TRIM23: variants seen among roughly 807,000 people sequenced by gnomAD.
TRIM23 encodes the protein tripartite motif containing 23, also known as E3 ubiquitin-protein ligase TRIM23.
In TRIM23, 27 loss-of-function variants were observed where a neutral mutation model predicts 71.0. The observed-to-expected ratio is 0.38, with a 90% CI of 0.28 to 0.52. TRIM23 has a LOEUF of 0.52. TRIM23 is among the 20% of genes least tolerant of loss of function. The pLI is 0.84. For synonymous variants in TRIM23, 234 were observed against 238.0 expected (o/e 0.98, Z 0.16); for missense variants, 482 against 692.3 (o/e 0.70, Z 3.41).
At position 65,591,937 on chromosome 5, in the gene TRIM23, T is replaced by A. The variant is rs761047076; in HGVS notation, c.1557A>T (p.Gly519=). The A allele has an allele frequency of 6.2e-7, 1 of 1,613,342 alleles. No individual in the cohort carries two copies. Among genetic ancestry groups the A allele is most frequent in the African/African-American group, 1.3e-5 (1 of 74,970 alleles). ...LIFANKQDVA[G]ALSVEEITEL... Reference sequence around the variant, plus strand: ...CAGTGATTTCTTCTACTGACAGTGCTCCAGCAACATCCTGAAAGATATATA... The same window carrying A: ...CAGTGATTTCTTCTACTGACAGTGCACCAGCAACATCCTGAAAGATATATA... The change falls in exon 11 of 11, where the codon GGA becomes GGT. Residue 519 remains glycine (G), a synonymous_variant. Coordinates refer to ENST00000231524, the MANE Select transcript of TRIM23 (RefSeq NM_001656.4).
At chr5:65,611,413 A>C (rs1391606513) in intron 4 of TRIM23, among the ~76,000 whole-genome samples, 190 bp downstream of exon 4, 1 of 151,772 alleles carries the variant, frequency 6.6e-6, no homozygotes, top group African/African-American at 2.4e-5. Flanking sequence ...TGCCTCTTTG[A>C]AGTTTTTTTT....
intron 7 of TRIM23, among the ~76,000 whole-genome samples, chr5:65,599,432 G>A (rs1377933621): frequency 6.6e-6 from 1 of 152,168 alleles, no homozygotes; most frequent in African/African-American, 2.4e-5. Context: ...GATGGTGAAA[G>A]ACTTAAGATA....
intron 6 of TRIM23, among the ~76,000 whole-genome samples, chr5:65,608,031 A>G (rs1754552018): frequency 6.6e-6 from 1 of 152,272 alleles, no homozygotes; most frequent in Non-Finnish European, 1.5e-5. Flanking sequence ...AACTAGGTGT[A>G]GTTATTAACT....
At chr5:65,618,867 T>A (rs888387793) in intron 1 of TRIM23, among the ~76,000 whole-genome samples, 1 of 152,230 alleles carries the variant, frequency 6.6e-6, no homozygotes, top group African/African-American at 2.4e-5. Flanking sequence ...GAAACTAGTT[T>A]GTCTTTCTAG....
At chr5:65,602,676 AC>A (rs2150627945) in intron 7 of TRIM23, among the ~76,000 whole-genome samples, 1 of 152,310 alleles carries the variant, frequency 6.6e-6, no homozygotes, top group South Asian at 2.1e-4. Context: ...AATTGGACTT[AC>A]AGTTCCACAT....
intron 7 of TRIM23, among the ~76,000 whole-genome samples, chr5:65,598,783 C>T (rs1423505147): frequency 2.0e-5 from 3 of 151,234 alleles, no homozygotes; most frequent in South Asian, 2.1e-4. Flanking sequence ...AGGGATTGTA[C>T]GCCATGACCA....
chr5:65,599,409 T>A (rs926099048), intron 7 of TRIM23, among the ~76,000 whole-genome samples: 1 of 152,192 alleles, frequency 6.6e-6, no homozygotes, highest in Non-Finnish European at 1.5e-5. Flanking sequence ...TACTTAGGAA[T>A]AAACTCAACC....
intron 7 of TRIM23, among the ~76,000 whole-genome samples, chr5:65,598,335 A>C (rs1424127735): frequency 6.6e-6 from 1 of 152,218 alleles, no homozygotes; most frequent in Non-Finnish European, 1.5e-5. Flanking sequence ...CATTCCAGTG[A>C]AAGGGGTAAT....
chr5:65,598,703 G>A (rs1344750212), intron 7 of TRIM23, among the ~76,000 whole-genome samples: 2 of 151,312 alleles, frequency 1.3e-5, no homozygotes, highest in African/African-American at 2.4e-5. Context: ...AGCCGAGATC[G>A]CGCCATTGCA....
rs111534898 is a variant in TRIM23 at position 65,594,648 on chromosome 5, A to AC, written c.1421-4dup. 59 of 1,537,266 alleles carry AC rather than the reference A, an allele frequency of 3.8e-5. No homozygotes were observed. Among genetic ancestry groups the AC allele is most frequent in the Middle Eastern group, 1.7e-4 (1 of 5,736 alleles). On this transcript the variant is annotated splice_polypyrimidine_tract_variant and splice_region_variant and intron_variant, in intron 9 of 10. Coordinates refer to ENST00000231524, the MANE Select transcript of TRIM23 (RefSeq NM_001656.4). ...GCTATCTACAACAAACACAACAGCT[A>AC]CCCAAAAAAAAATAAAAAAAACAAA... is the stretch of plus-strand genomic sequence containing the variant.
chr5:65,595,210 G>A (rs61181477), intron 9 of TRIM23, among the ~76,000 whole-genome samples: 178 of 151,844 alleles, frequency 1.2e-3, no homozygotes, highest in Middle Eastern at 0.01. Context: ...CCAGGAGTTC[G>A]AGACCCCTGG....
Position 65,591,272 on chromosome 5 carries a change from T to C in TRIM23, c.*497A>G, listed in dbSNP as rs540954519. 95 of 1,349,648 alleles carry C rather than the reference T, an allele frequency of 7.0e-5. 1 individual carries two copies. In the South Asian group the frequency reaches 1.1e-3, roughly 15 times the overall value. The allele number at this position is 1,349,648 out of a possible 1,614,324, so 83.6% of individuals were successfully genotyped here. ...ATAAAGTAATCCTATTATCCAAATA[T>C]GTAGTTTGGATTCTATTTCATTAAG... On this transcript the variant is annotated 3_prime_UTR_variant, in exon 11 of 11. Coordinates refer to ENST00000231524, the MANE Select transcript of TRIM23 (RefSeq NM_001656.4).
chr5:65,595,502 G>A (rs1270473593), intron 9 of TRIM23, among the ~76,000 whole-genome samples: 3 of 148,850 alleles, frequency 2.0e-5, no homozygotes, highest in Non-Finnish European at 3.0e-5. Context: ...AGCTTGCAGT[G>A]AGCCGAGATC....
chr5:65,614,876 A>G (rs1554125908), intron 2 of TRIM23, among the ~76,000 whole-genome samples: 4 of 152,192 alleles, frequency 2.6e-5, no homozygotes, highest in Non-Finnish European at 5.9e-5. Flanking sequence ...ATTTTGCCAC[A>G]GTTTAAAAAA....
intron 6 of TRIM23, among the ~76,000 whole-genome samples, chr5:65,605,832 G>A (rs1754480762): frequency 6.6e-6 from 1 of 152,174 alleles, no homozygotes; most frequent in African/African-American, 2.4e-5. Context: ...TTAGTTGACA[G>A]CAATTCCACT....
At chr5:65,599,156 A>G (rs1754293226) in intron 7 of TRIM23, among the ~76,000 whole-genome samples, 1 of 149,764 alleles carries the variant, frequency 6.7e-6, no homozygotes, top group African/African-American at 2.4e-5. Flanking sequence ...ATGATCTTGT[A>G]TGTAGAAAAC....
At chr5:65,616,003 T>G (rs974503737) in intron 2 of TRIM23, among the ~76,000 whole-genome samples, 5 of 152,212 alleles carry the variant, frequency 3.3e-5, no homozygotes, top group Admixed American at 1.3e-4. Context: ...GAATTTACTT[T>G]GAAAATCATA....
chr5:65,599,601 CATAA>C (rs1194513703), intron 7 of TRIM23, among the ~76,000 whole-genome samples: 1 of 152,138 alleles, frequency 6.6e-6, no homozygotes, highest in African/African-American at 2.4e-5. Context: ...TAAATTAAGA[CATAA>C]ATAGACATTC....
At chr5:65,603,460 C>T (rs1754414244) in intron 7 of TRIM23, among the ~76,000 whole-genome samples, 1 of 152,046 alleles carries the variant, frequency 6.6e-6, no homozygotes, top group South Asian at 2.1e-4. Context: ...GTAAGGTATT[C>T]CACCTTTTAA....
Sources: allele counts gnomAD v4.1 joint callset (sites outside exome capture counted in the v4.1 genomes callset), GRCh38; gene constraint gnomAD v4.1.1; transcripts MANE v1.5; gene names NCBI Gene and HGNC (gene_info 2026-07-23, HGNC 2026-07-21).